Variants in CDC42BPA observed in about 807,000 individuals in gnomAD.
The protein encoded by CDC42BPA is CDC42 binding protein kinase alpha.
In CDC42BPA, 80 loss-of-function variants were observed where a neutral mutation model predicts 223.5. The ratio of observed to expected loss-of-function variants is 0.36; its 90% CI spans 0.30 to 0.43. The LOEUF (loss-of-function observed/expected upper bound fraction) is 0.43, where lower values mean the gene tolerates loss of function less well. Among genes scored for constraint, CDC42BPA ranks in the 20% least tolerant of loss-of-function variants. The pLI, the probability that CDC42BPA is intolerant of heterozygous loss-of-function variation, is 1.00. For synonymous variants in CDC42BPA, 694 were observed against 718.6 expected, an observed-to-expected ratio of 0.97 and a Z score of 0.55; for missense variants, 1,743 against 2,099.9, an observed-to-expected ratio of 0.83 and a Z score of 3.32.
intron 1 of CDC42BPA, among the ~76,000 whole-genome samples, chr1:227,296,747 G>T (rs1316668198): frequency 1.4e-5 from 2 of 144,676 alleles, no homozygotes; most frequent in Non-Finnish European, 3.0e-5. Context: ...AAAAAGCAAA[G>T]GGTAAACCAA....
At chr1:227,169,604 T>C (rs540289925) in intron 5 of CDC42BPA, among the ~76,000 whole-genome samples, 4 of 152,278 alleles carry the variant, frequency 2.6e-5, no homozygotes, top group East Asian at 1.9e-4. Context: ...TCACAGGCCA[T>C]AGAGACCAGA....
chr1:227,269,972 A>AT (rs1341339632), intron 1 of CDC42BPA, among the ~76,000 whole-genome samples: 2 of 152,318 alleles, frequency 1.3e-5, no homozygotes, highest in Non-Finnish European at 2.9e-5. Flanking sequence ...ACTTCTGAGT[A>AT]TATGTATAAG....
chr1:227,170,551 CAAT>C (rs1665927664), intron 5 of CDC42BPA, among the ~76,000 whole-genome samples: 1 of 152,152 alleles, frequency 6.6e-6, no homozygotes, highest in African/African-American at 2.4e-5. Flanking sequence ...TCTTCTCCCT[CAAT>C]GATGAGCTTT....
At chr1:227,199,181 G>A (rs1051664513) in intron 4 of CDC42BPA, among the ~76,000 whole-genome samples, 2 of 152,184 alleles carry the variant, frequency 1.3e-5, no homozygotes, top group Non-Finnish European at 2.9e-5. Flanking sequence ...TTCTGGAAAT[G>A]ATTATTTTAA....
At chr1:227,301,922 T>C (rs1465818948) in intron 1 of CDC42BPA, among the ~76,000 whole-genome samples, 1 of 152,190 alleles carries the variant, frequency 6.6e-6, no homozygotes, top group African/African-American at 2.4e-5. Flanking sequence ...TCCTAATTTC[T>C]ATTTTTCTTA....
At chr1:227,236,058 T>C (rs1041115800) in intron 2 of CDC42BPA, among the ~76,000 whole-genome samples, 1 of 152,212 alleles carries the variant, frequency 6.6e-6, no homozygotes, top group Non-Finnish European at 1.5e-5. Flanking sequence ...TTCTGTAGCA[T>C]AATTCTTTTA....
chr1:227,283,440 A>G (rs1360919744), intron 1 of CDC42BPA, among the ~76,000 whole-genome samples: 1 of 152,206 alleles, frequency 6.6e-6, no homozygotes, highest in East Asian at 1.9e-4. Flanking sequence ...TATCATAATC[A>G]TTTACTACTC....
At chr1:227,193,696 C>T (rs1345563773) in intron 5 of CDC42BPA, 90 bp downstream of exon 5, 2 of 1,059,496 alleles carry the variant, frequency 1.9e-6, no homozygotes, top group Non-Finnish European at 2.7e-6. Flanking sequence ...GTATCCAAGA[C>T]CATAATTAAT....
intron 17 of CDC42BPA, among the ~76,000 whole-genome samples, chr1:227,075,519 A>G (rs1679288081): frequency 6.6e-6 from 1 of 152,190 alleles, no homozygotes; most frequent in African/African-American, 2.4e-5. Context: ...ATGGTAAGGG[A>G]CAGTTACACA....
At chr1:227,302,702 C>T (rs1445178043) in intron 1 of CDC42BPA, among the ~76,000 whole-genome samples, 1 of 151,742 alleles carries the variant, frequency 6.6e-6, no homozygotes, top group Non-Finnish European at 1.5e-5. Context: ...GATTTTTTTC[C>T]CCCTCTGTTC....
At chr1:227,208,554 A>G (rs28828447) in intron 3 of CDC42BPA, among the ~76,000 whole-genome samples, 16,670 of 148,906 alleles carry the variant, frequency 0.11, 1,068 homozygotes, top group South Asian at 0.2. Flanking sequence ...GAAGGGATCC[A>G]GTTTCAACTT....
chr1:227,091,990 G>A lies in CDC42BPA; in HGVS notation c.2251C>T (p.Gln751Ter), dbSNP rs761926514. ...CTTTCAAATTCCTCCCTTTCACTTT[G>A]ACTAACACAATTCAAAACACAAAAG... ...DKLEKTRRESQSEREEFESEF... is the reference protein window; with the variant it reads ...DKLEKTRRES Residue 751 changes from glutamine (Q) to a stop codon, truncating the protein, a stop_gained and splice_region_variant, in exon 16 of 37, where the codon CAA becomes TAA. Coordinates refer to ENST00000366766, the MANE Select transcript of CDC42BPA (RefSeq NM_001394014.1). LOFTEE classifies it high-confidence loss of function. The A allele has an allele frequency of 6.5e-7, 1 of 1,544,292 alleles. No individual in the cohort carries two copies. Among genetic ancestry groups the A allele is most frequent in the East Asian group, 2.3e-5 (1 of 43,964 alleles).
chr1:227,243,629 C>G (rs1046972591), intron 2 of CDC42BPA, among the ~76,000 whole-genome samples: 2 of 151,998 alleles, frequency 1.3e-5, no homozygotes, highest in South Asian at 4.2e-4. Context: ...AAAAAAACTT[C>G]TTAAAAACAC....
chr1:227,167,861 T>G (rs1665314645), intron 5 of CDC42BPA, among the ~76,000 whole-genome samples: 1 of 152,188 alleles, frequency 6.6e-6, no homozygotes, highest in African/African-American at 2.4e-5. Context: ...TAGTATCATT[T>G]CCCTGCAGCC....
intron 22 of CDC42BPA, among the ~76,000 whole-genome samples, chr1:227,049,453 T>C (rs899592950): frequency 1.3e-5 from 2 of 152,158 alleles, no homozygotes; most frequent in Admixed American, 6.5e-5. Flanking sequence ...ACCATGTTCA[T>C]AGATGGAATA....
At chr1:227,021,802 G>A (rs1370530735) in intron 32 of CDC42BPA, among the ~76,000 whole-genome samples, 2 of 151,930 alleles carry the variant, frequency 1.3e-5, no homozygotes, top group African/African-American at 2.4e-5. Flanking sequence ...GGTGGGACAC[G>A]AGGTCAGGAG....
intron 2 of CDC42BPA, among the ~76,000 whole-genome samples, chr1:227,246,540 A>G (rs990351470): frequency 9.2e-5 from 14 of 152,134 alleles, no homozygotes; most frequent in African/African-American, 3.4e-4. Context: ...AAGACCCAAT[A>G]TGTTTGGAAG....
At chr1:227,126,017 A>G (rs1030457370) in intron 11 of CDC42BPA, among the ~76,000 whole-genome samples, 2 of 151,958 alleles carry the variant, frequency 1.3e-5, no homozygotes, top group Non-Finnish European at 2.9e-5. Context: ...TGCAGTTTCC[A>G]GTTCTACACC....
chr1:227,314,595 A>C (rs1469484907), intron 1 of CDC42BPA, among the ~76,000 whole-genome samples: 1 of 152,084 alleles, frequency 6.6e-6, no homozygotes, highest in Non-Finnish European at 1.5e-5. Flanking sequence ...AGCTGAATAC[A>C]GCCGGTAAGA....
Sources: gnomAD v4.1 joint callset for allele counts (sites outside exome capture counted in the v4.1 genomes callset) on GRCh38, gnomAD v4.1.1 for gene constraint, MANE v1.5 for transcripts, NCBI Gene and HGNC (gene_info 2026-07-23, HGNC 2026-07-21) for gene names.